NDRG3: variants seen among roughly 807,000 people sequenced by gnomAD.
NDRG3 encodes protein NDRG3.
NDRG3 carries 23 observed loss-of-function variants against 57.2 expected under a neutral mutation model. The observed-to-expected ratio is 0.40, with a 90% CI of 0.29 to 0.57. The LOEUF (loss-of-function observed/expected upper bound fraction) is 0.57. NDRG3 is among the 20% of genes least tolerant of loss of function. NDRG3 has a pLI of 0.42. For missense variants in NDRG3, 384 were observed against 457.3 expected (o/e 0.84, Z 1.46); for synonymous variants, 132 against 162.6 (o/e 0.81, Z 1.43).
chr20:36,742,040 C>G (rs936663891), intron 1 of NDRG3, among the ~76,000 whole-genome samples: 1 of 152,166 alleles, frequency 6.6e-6, no homozygotes, highest in African/African-American at 2.4e-5. Flanking sequence ...TGACCCTATC[C>G]ACCTGTCAAA....
At chr20:36,705,685 C>T (rs567191431) in intron 3 of NDRG3, among the ~76,000 whole-genome samples, 79 of 152,130 alleles carry the variant, frequency 5.2e-4, no homozygotes, top group Non-Finnish European at 6.0e-4. Context: ...GTCAGGCTGC[C>T]CAGCTTATAA....
chr20:36,695,025 A>T (rs1195684682), intron 3 of NDRG3, among the ~76,000 whole-genome samples: 1 of 152,230 alleles, frequency 6.6e-6, no homozygotes, highest in Non-Finnish European at 1.5e-5. Flanking sequence ...GTGATAGAAG[A>T]ACATAAATTG....
In NDRG3 at chr20:36,662,229, TC is replaced by T. The variant is rs1172929486; in HGVS notation, c.811-1846del. ...AACCACAATCACTGTTTTTTCTTTTTCTTTTTTTTTTTTTTTGAGATGGAGT... is the reference window on the plus strand; with the variant it reads ...AACCACAATCACTGTTTTTTCTTTTTTTTTTTTTTTTTTTTGAGATGGAGT... On this transcript the variant is annotated intron_variant, in intron 12 of 15. Coordinates refer to ENST00000349004, the MANE Select transcript of NDRG3 (RefSeq NM_032013.4). Among the ~76,000 whole-genome samples the T allele has an allele frequency of 4.1e-3, 616 of 151,348 alleles. 5 individuals are homozygous for T. Among genetic ancestry groups the T allele is most frequent in the African/African-American group, 0.014 (579 of 41,070 alleles).
chr20:36,660,454 T>G, intron 12 of NDRG3, 70 bp from the exon 13 acceptor site: 2 of 1,177,530 alleles, frequency 1.7e-6, no homozygotes, highest in South Asian at 2.5e-5. Flanking sequence ...TAGCTCGGTA[T>G]GAGAATCATC....
intron 3 of NDRG3, among the ~76,000 whole-genome samples, chr20:36,694,371 C>T (rs181796081): frequency 5.6e-4 from 86 of 152,310 alleles, no homozygotes; most frequent in Admixed American, 1.2e-3. Context: ...AGAATAGTTC[C>T]TGACATAAAA....
At chr20:36,745,973 A>T in intron 1 of NDRG3, 72 bp downstream of exon 1, 2 of 286,910 alleles carry the variant, frequency 7.0e-6, no homozygotes, top group Non-Finnish European at 6.6e-6. Context: ...GGGAAGGAGC[A>T]GGGCAAAGGA....
intron 3 of NDRG3, among the ~76,000 whole-genome samples, chr20:36,695,570 G>A (rs896910645): frequency 3.9e-5 from 6 of 152,220 alleles, no homozygotes; most frequent in African/African-American, 1.4e-4. Context: ...TCTGCCTTAT[G>A]CAGTTGTAGA....
At chr20:36,703,453 TC>T (rs1983368502) in intron 3 of NDRG3, among the ~76,000 whole-genome samples, 1 of 151,638 alleles carries the variant, frequency 6.6e-6, no homozygotes. Context: ...TATCTATCTA[TC>T]TATCTATATG....
chr20:36,744,849 T>C (rs923382222), intron 1 of NDRG3, among the ~76,000 whole-genome samples: 3 of 151,558 alleles, frequency 2.0e-5, no homozygotes, highest in African/African-American at 4.9e-5. Flanking sequence ...ATGAGGTGAG[T>C]GCTAGCCAAA....
At chr20:36,732,692 T>C (rs1568672155) in intron 1 of NDRG3, among the ~76,000 whole-genome samples, 1 of 152,050 alleles carries the variant, frequency 6.6e-6, no homozygotes, top group Non-Finnish European at 1.5e-5. Flanking sequence ...TTTCCCCAGG[T>C]ATTAGCCTAG....
At chr20:36,689,194 A>AAAAAT (rs906245764) in intron 3 of NDRG3, among the ~76,000 whole-genome samples, 2 of 152,170 alleles carry the variant, frequency 1.3e-5, no homozygotes, top group Admixed American at 6.5e-5. Context: ...CTTCGTCTCA[A>AAAAAT]AAAATAAAAT....
At chr20:36,717,029 T>C (rs188925549) in intron 2 of NDRG3, among the ~76,000 whole-genome samples, 1 of 152,336 alleles carries the variant, frequency 6.6e-6, no homozygotes. Context: ...TAAGATATTA[T>C]TGGTGAAAGT....
chr20:36,731,369 T>C (rs1028858007), intron 1 of NDRG3, among the ~76,000 whole-genome samples: 5 of 152,104 alleles, frequency 3.3e-5, no homozygotes, highest in South Asian at 2.1e-4. Flanking sequence ...AACTGTCAAA[T>C]GCTGAAGAAA....
intron 1 of NDRG3, among the ~76,000 whole-genome samples, chr20:36,740,703 A>G (rs1985888216): frequency 6.6e-6 from 1 of 152,214 alleles, no homozygotes. Context: ...GAGACATATC[A>G]CAGAACTCTG....
intron 2 of NDRG3, among the ~76,000 whole-genome samples, chr20:36,708,368 G>C (rs1302290226): frequency 6.6e-6 from 1 of 151,960 alleles, no homozygotes; most frequent in Non-Finnish European, 1.5e-5. Context: ...AGTTCTTCAG[G>C]GCCGGGCACG....
chr20:36,694,508 C>T (rs1982606532), intron 3 of NDRG3, among the ~76,000 whole-genome samples: 1 of 152,204 alleles, frequency 6.6e-6, no homozygotes, highest in South Asian at 2.1e-4. Context: ...CATTCATCTC[C>T]ATCAAGTTGT....
chr20:36,668,797 TATAG>T (rs1362293003), intron 9 of NDRG3: 1 of 151,276 alleles, frequency 6.6e-6, no homozygotes, highest in Non-Finnish European at 1.5e-5. Flanking sequence ...CATAGTTATA[TATAG>T]AGAGAGATAA....
chr20:36,675,401 G>C (rs1057386766), intron 8 of NDRG3, among the ~76,000 whole-genome samples: 1 of 141,626 alleles, frequency 7.1e-6, no homozygotes, highest in Admixed American at 7.4e-5. Context: ...TTGGGGGGTG[G>C]GGGGGATGGA....
At chr20:36,669,888 T>G (rs1425532950) in intron 9 of NDRG3, among the ~76,000 whole-genome samples, 1 of 152,180 alleles carries the variant, frequency 6.6e-6, no homozygotes, top group Non-Finnish European at 1.5e-5. Context: ...GTAGAGCCAC[T>G]GCGCCTGACC....
Sources: allele counts gnomAD v4.1 joint callset (sites outside exome capture counted in the v4.1 genomes callset), GRCh38; gene constraint gnomAD v4.1.1; transcripts MANE v1.5; gene names NCBI Gene and HGNC (gene_info 2026-07-23, HGNC 2026-07-21).